Variants in IL1RAPL2 observed in about 807,000 individuals in gnomAD.
IL1RAPL2 encodes the protein X-linked interleukin-1 receptor accessory protein-like 2.
A neutral mutation model predicts 44.1 loss-of-function variants in IL1RAPL2; 3 were observed. The observed-to-expected ratio is 0.07, with a 90% confidence interval of 0.03 to 0.18. The LOEUF (loss-of-function observed/expected upper bound fraction) is 0.18, where lower values mean the gene tolerates loss of function less well. IL1RAPL2 is among the 10% of genes least tolerant of loss of function. IL1RAPL2 has a pLI of 1.00. For missense variants in IL1RAPL2, 391 were observed against 496.4 expected (o/e 0.79, Z 2.02); for synonymous variants, 181 against 178.8 (o/e 1.01, Z -0.10).
chrX:105,023,250 T>TAA (rs781664062), intron 2 of IL1RAPL2, among the ~76,000 whole-genome samples: 4 of 105,249 alleles, frequency 3.8e-5, no homozygotes, highest in African/African-American at 6.9e-5. Flanking sequence ...AATGCTGGGT[T>TAA]AAAAAAAAAA....
intron 6 of IL1RAPL2, among the ~76,000 whole-genome samples, chrX:105,511,679 A>G (rs1234295746): frequency 9.0e-6 from 1 of 111,489 alleles, no homozygotes; most frequent in Non-Finnish European, 1.9e-5. Flanking sequence ...AGCCAGATGA[A>G]CTAAGAGGAA....
intron 2 of IL1RAPL2, among the ~76,000 whole-genome samples, chrX:104,927,624 C>T (rs1271502528): frequency 9.0e-6 from 1 of 111,671 alleles, no homozygotes; most frequent in Non-Finnish European, 1.9e-5. Context: ...TATACGAAAT[C>T]TAAAGTACAC....
At chrX:105,074,335 A>T (rs995148812) in intron 2 of IL1RAPL2, among the ~76,000 whole-genome samples, 4 of 111,508 alleles carry the variant, frequency 3.6e-5, no homozygotes, top group African/African-American at 6.5e-5. Flanking sequence ...CAGGTTTGTC[A>T]AAGATCAGAT....
intron 6 of IL1RAPL2, among the ~76,000 whole-genome samples, chrX:105,685,004 G>A (rs1434902297): frequency 7.2e-5 from 8 of 111,406 alleles, no homozygotes; most frequent in African/African-American, 1.6e-4. Flanking sequence ...AAGGAATAGC[G>A]TCAACATCAA....
intron 2 of IL1RAPL2, among the ~76,000 whole-genome samples, chrX:104,691,150 A>G (rs775222689): frequency 8.9e-6 from 1 of 112,465 alleles, no homozygotes; most frequent in Non-Finnish European, 1.9e-5. Flanking sequence ...TAATAAGGCT[A>G]AAGAATGGAA....
intron 2 of IL1RAPL2, among the ~76,000 whole-genome samples, chrX:104,901,489 G>A (rs1450885181): frequency 1.8e-5 from 2 of 109,800 alleles, no homozygotes; most frequent in Non-Finnish European, 3.8e-5. Context: ...GGGATTACAG[G>A]GGTGAGCCAC....
intron 2 of IL1RAPL2, among the ~76,000 whole-genome samples, chrX:104,691,242 C>T (rs774594267): frequency 1.4e-4 from 16 of 111,902 alleles, no homozygotes; most frequent in South Asian, 1.1e-3. Context: ...CACGTCAGGG[C>T]CTAGCTTCTC....
At chrX:105,670,343 C>T (rs1245564672) in intron 6 of IL1RAPL2, among the ~76,000 whole-genome samples, 2 of 102,468 alleles carry the variant, frequency 2.0e-5, no homozygotes, top group East Asian at 6.1e-4. Context: ...CTCTGTCACC[C>T]AGGCTGGAGT....
intron 2 of IL1RAPL2, among the ~76,000 whole-genome samples, chrX:104,978,660 G>A (rs2030381317): frequency 9.0e-6 from 1 of 111,423 alleles, no homozygotes. Context: ...TTATATACCT[G>A]GAAAATCCAA....
chrX:105,107,080 A>G (rs1474930469), intron 2 of IL1RAPL2, among the ~76,000 whole-genome samples: 1 of 112,326 alleles, frequency 8.9e-6, no homozygotes, highest in East Asian at 2.8e-4. Flanking sequence ...TCTTTATCAC[A>G]TTGCTATTCA....
At chrX:105,071,853 A>G (rs2032211213) in intron 2 of IL1RAPL2, among the ~76,000 whole-genome samples, 1 of 112,118 alleles carries the variant, frequency 8.9e-6, no homozygotes, top group Non-Finnish European at 1.9e-5. Context: ...CACATCATAT[A>G]TGAAAATCAA....
intron 1 of IL1RAPL2, among the ~76,000 whole-genome samples, chrX:104,615,332 T>A (rs1929248315): frequency 9.0e-6 from 1 of 111,151 alleles, no homozygotes; most frequent in African/African-American, 3.3e-5. Flanking sequence ...CACCTAGGTA[T>A]TAAGCCTAGC....
chrX:104,951,599 C>G (rs770382981), intron 2 of IL1RAPL2, among the ~76,000 whole-genome samples: 1 of 112,578 alleles, frequency 8.9e-6, no homozygotes, highest in Non-Finnish European at 1.9e-5. Context: ...CTTAACAGTT[C>G]AATTCAACAA....
At chrX:104,955,219 G>A (rs1925682340) in intron 2 of IL1RAPL2, among the ~76,000 whole-genome samples, 1 of 111,228 alleles carries the variant, frequency 9.0e-6, no homozygotes, top group Non-Finnish European at 1.9e-5. Flanking sequence ...ATTCACTTAA[G>A]TTGTGGCTTA....
intron 5 of IL1RAPL2, among the ~76,000 whole-genome samples, chrX:105,368,848 A>G: frequency 9.1e-6 from 1 of 110,203 alleles, no homozygotes; most frequent in Non-Finnish European, 1.9e-5. Context: ...TGTCCCATAA[A>G]TCCCTTGGGC....
At position 105,646,160 on chromosome X, in the gene IL1RAPL2, T is replaced by C. The variant is rs752451592; in HGVS notation, c.773-71207T>C. Among the ~76,000 whole-genome samples, 5 of 111,384 alleles carry C rather than the reference T, an allele frequency of 4.5e-5. No homozygotes were observed. The East Asian group carries it at 1.4e-3, about 32-fold the overall frequency. On this transcript the variant is annotated intron_variant, in intron 6 of 10. Transcript: ENST00000372582. ...TTAGCACTCCAGGGTAAAGGCAGGG[T>C]TGTATTACATGAAGCTGAAATTACA...
chrX:104,847,984 G>T (rs915655042), intron 2 of IL1RAPL2, among the ~76,000 whole-genome samples: 2 of 110,032 alleles, frequency 1.8e-5, no homozygotes, highest in African/African-American at 6.6e-5. Context: ...TCATGATTTG[G>T]CTCTCTGTTT....
chrX:105,588,699 G>T lies in IL1RAPL2; in HGVS notation c.772+104312G>T, dbSNP rs187622691. ...GATGATGGCATCTAGCTCCATCCATGTTGCTGCAAATGACATGATCTCATT... is the reference window on the plus strand; with the variant it reads ...GATGATGGCATCTAGCTCCATCCATTTTGCTGCAAATGACATGATCTCATT... On this transcript the variant is annotated intron_variant, in intron 6 of 10. Transcript: ENST00000372582. 2.2e-3 allele frequency among the ~76,000 whole-genome samples: 244 copies of T among 111,891 alleles called. 1 individual carries two copies. Among genetic ancestry groups the T allele is most frequent in the Non-Finnish European group, 3.4e-3 (179 of 53,211 alleles).
At chrX:105,406,716 G>A in intron 5 of IL1RAPL2, 2 of 1,190,684 alleles carry the variant, frequency 1.7e-6, no homozygotes, top group Non-Finnish European at 2.3e-6. Context: ...GAGTCAAGAT[G>A]CTCTGTTCTA....
Sources: gnomAD v4.1 joint callset for allele counts (sites outside exome capture counted in the v4.1 genomes callset) on GRCh38, gnomAD v4.1.1 for gene constraint, MANE v1.5 for transcripts, NCBI Gene and HGNC (gene_info 2026-07-23, HGNC 2026-07-21) for gene names.